The following KLF12 variants were observed in gnomAD, a reference collection of about 807,000 sequenced individuals.
KLF12 encodes the protein KLF transcription factor 12, also known as Krueppel-like factor 12.
KLF12 carries 9 observed loss-of-function variants against 37.8 expected under a neutral mutation model. The ratio of observed to expected loss-of-function variants is 0.24; its 90% CI spans 0.14 to 0.42. KLF12 has a LOEUF of 0.42. Among genes scored for constraint, KLF12 ranks in the 10% least tolerant of loss-of-function variants. The probability of loss-of-function intolerance (pLI) is 1.00; values close to 1 mark genes in which losing one functional copy is unlikely to be tolerated. For missense variants in KLF12, 411 were observed against 516.0 expected, an observed-to-expected ratio of 0.80 and a Z score of 1.97; for synonymous variants, 208 against 202.1, an observed-to-expected ratio of 1.03 and a Z score of -0.25.
chr13:73,909,904 T>C (rs186446497), intron 3 of KLF12, among the ~76,000 whole-genome samples: 1 of 152,316 alleles, frequency 6.6e-6, no homozygotes, highest in East Asian at 1.9e-4. Flanking sequence ...ATTTTGTATA[T>C]AATCACCCTG....
intron 1 of KLF12, among the ~76,000 whole-genome samples, chr13:74,055,638 G>C (rs1026886759): frequency 3.3e-5 from 5 of 152,150 alleles, no homozygotes; most frequent in Non-Finnish European, 7.3e-5. Context: ...TCTGCAGCCA[G>C]AGCTCACCAT....
the KLF12 span, among the ~76,000 whole-genome samples, chr13:74,146,771 A>G: frequency 3.9e-5 from 6 of 152,340 alleles, no homozygotes. Context: ...CCCTCATGAT[A>G]GCCAATGGGG....
intron 3 of KLF12, among the ~76,000 whole-genome samples, chr13:73,899,764 G>A (rs181015755): frequency 6.3e-4 from 96 of 152,242 alleles, no homozygotes; most frequent in African/African-American, 2.1e-3. Flanking sequence ...AGCACTCCAG[G>A]TTCTCTGGCC....
the KLF12 span, among the ~76,000 whole-genome samples, chr13:74,272,958 G>A: frequency 6.6e-6 from 1 of 152,142 alleles, no homozygotes; most frequent in African/African-American, 2.4e-5. Context: ...CAGCTGTAAG[G>A]CAAGGACTTA....
the KLF12 span, among the ~76,000 whole-genome samples, chr13:74,283,482 A>G: frequency 2.0e-5 from 3 of 152,228 alleles, no homozygotes; most frequent in Non-Finnish European, 1.5e-5. Flanking sequence ...CAATTCATCT[A>G]GACAGGGTAT....
chr13:74,219,234 G>A, the KLF12 span, among the ~76,000 whole-genome samples: 10 of 152,196 alleles, frequency 6.6e-5, no homozygotes, highest in African/African-American at 2.2e-4. Flanking sequence ...GGGATTACAG[G>A]CATGAGCCAC....
At chr13:73,864,026 G>T (rs1886056449) in intron 3 of KLF12, among the ~76,000 whole-genome samples, 1 of 152,080 alleles carries the variant, frequency 6.6e-6, no homozygotes, top group South Asian at 2.1e-4. Context: ...TAAATAGAAT[G>T]ATACAACTAA....
chr13:73,832,980 T>G (rs1205737335), intron 4 of KLF12, among the ~76,000 whole-genome samples: 2 of 152,140 alleles, frequency 1.3e-5, no homozygotes, highest in East Asian at 3.9e-4. Context: ...TCTGGAGAGG[T>G]AATTTTTATT....
chr13:74,120,185 G>T (rs1201390567), intron 1 of KLF12, among the ~76,000 whole-genome samples: 1 of 151,744 alleles, frequency 6.6e-6, no homozygotes, highest in African/African-American at 2.4e-5. Context: ...TGCACTGCAA[G>T]AAATTATTTA....
At chr13:73,929,213 G>A (rs750792197) in intron 3 of KLF12, among the ~76,000 whole-genome samples, 38 of 152,224 alleles carry the variant, frequency 2.5e-4, no homozygotes, top group Non-Finnish European at 4.9e-4. Flanking sequence ...GGGATTTTGT[G>A]CTGGGACTTG....
At chr13:73,730,218 A>ATCCC (rs1312106238) in intron 6 of KLF12, among the ~76,000 whole-genome samples, 2 of 152,064 alleles carry the variant, frequency 1.3e-5, no homozygotes, top group African/African-American at 4.8e-5. Context: ...CACTGGTCTC[A>ATCCC]CCCAGCCTCA....
At chr13:74,067,668 C>T (rs1203875011) in intron 1 of KLF12, among the ~76,000 whole-genome samples, 1 of 150,850 alleles carries the variant, frequency 6.6e-6, no homozygotes, top group Non-Finnish European at 1.5e-5. Context: ...TGGTAGCAAT[C>T]AACAGACAGT....
chr13:74,274,999 CTT>C, the KLF12 span, among the ~76,000 whole-genome samples: 1 of 152,128 alleles, frequency 6.6e-6, no homozygotes, highest in Non-Finnish European at 1.5e-5. Flanking sequence ...TACAGACTCA[CTT>C]ATATTTTCTT....
At chr13:74,199,017 G>C in the KLF12 span, among the ~76,000 whole-genome samples, 11 of 152,224 alleles carry the variant, frequency 7.2e-5, no homozygotes, top group Non-Finnish European at 4.4e-5. Flanking sequence ...CACAGTGCCA[G>C]TGAGAGCCGA....
chr13:73,752,726 A>AT (rs139830073), intron 6 of KLF12, among the ~76,000 whole-genome samples: 70,429 of 107,726 alleles, frequency 0.65, 20,060 homozygotes, highest in East Asian at 0.79. Flanking sequence ...CCTTCCACAT[A>AT]TATATTTTTT....
intron 1 of KLF12, among the ~76,000 whole-genome samples, chr13:74,103,381 G>A (rs1876472516): frequency 6.6e-6 from 1 of 152,162 alleles, no homozygotes; most frequent in African/African-American, 2.4e-5. Context: ...AAATGTGTGT[G>A]TTCAAAGATG....
At chr13:73,987,846 G>A (rs1891867038) in intron 2 of KLF12, among the ~76,000 whole-genome samples, 1 of 149,500 alleles carries the variant, frequency 6.7e-6, no homozygotes, top group African/African-American at 2.5e-5. Context: ...GGAAGTGGGG[G>A]AAGAGGAAAG....
the KLF12 span, among the ~76,000 whole-genome samples, chr13:74,271,464 A>G: frequency 6.6e-6 from 1 of 152,208 alleles, no homozygotes; most frequent in East Asian, 1.9e-4. Flanking sequence ...TGGTAGGACC[A>G]TTTTTATATC....
chr13:73,846,541 C>A (rs1373134021), intron 3 of KLF12, among the ~76,000 whole-genome samples, 168 bp from the exon 4 acceptor site: 1 of 152,098 alleles, frequency 6.6e-6, no homozygotes, highest in African/African-American at 2.4e-5. Context: ...GTGATTAAAA[C>A]TGAGGGCATA....
Sources: allele counts gnomAD v4.1 joint callset (sites outside exome capture counted in the v4.1 genomes callset), GRCh38; gene constraint gnomAD v4.1.1; transcripts MANE v1.5; gene names NCBI Gene and HGNC (gene_info 2026-07-23, HGNC 2026-07-21).